Variants in ABCA13 observed in about 807,000 individuals in gnomAD.
The protein encoded by ABCA13 is ATP-binding cassette sub-family A member 13.
Under a neutral mutation model 478.7 loss-of-function variants are expected in ABCA13, and 476 were observed. The observed-to-expected ratio is 0.99, with a 90% confidence interval of 0.92 to 1.07. The LOEUF (loss-of-function observed/expected upper bound fraction) is 1.07, where lower values mean the gene tolerates loss of function less well. Ranked by LOEUF, ABCA13 falls within the 50% of genes least tolerant of loss-of-function variation. The probability of loss-of-function intolerance (pLI) is 0.00; values close to 1 mark genes in which losing one functional copy is unlikely to be tolerated. For missense variants in ABCA13, 6,060 were observed against 5,910.6 expected, an observed-to-expected ratio of 1.03 and a Z score of -0.83; for synonymous variants, 2,252 against 2,158.9, an observed-to-expected ratio of 1.04 and a Z score of -1.20.
At chr7:48,451,526 G>C (rs182060070) in intron 42 of ABCA13, among the ~76,000 whole-genome samples, 107 of 152,078 alleles carry the variant, frequency 7.0e-4, no homozygotes, top group Middle Eastern at 6.8e-3. Flanking sequence ...ATATTGATTA[G>C]TTTAAAAACT....
intron 32 of ABCA13, 56 bp downstream of exon 32, chr7:48,367,964 G>A: frequency 7.2e-7 from 1 of 1,387,594 alleles, no homozygotes; most frequent in South Asian, 1.3e-5. Context: ...GGGGACTTTG[G>A]AAATGGATCT....
intron 59 of ABCA13, among the ~76,000 whole-genome samples, chr7:48,621,643 A>AT (rs1403200764): frequency 2.0e-5 from 3 of 152,158 alleles, no homozygotes; most frequent in South Asian, 2.1e-4. Context: ...TCCTTAAATT[A>AT]TTTTTTTGAT....
At chr7:48,491,380 A>T (rs1299636199) in intron 48 of ABCA13, among the ~76,000 whole-genome samples, 1 of 152,212 alleles carries the variant, frequency 6.6e-6, no homozygotes, top group African/African-American at 2.4e-5. Flanking sequence ...AAGGTTCTGT[A>T]GCCCTTGAGG....
intron 59 of ABCA13, chr7:48,626,692 A>G: frequency 1.0e-6 from 1 of 985,496 alleles, no homozygotes; most frequent in African/African-American, 1.7e-5. Flanking sequence ...ACACGATAAT[A>G]GAACTTTACA....
Position 48,358,663 on chromosome 7 carries a change from G to A in ABCA13, c.10688+6176G>A, listed in dbSNP as rs143641841. On this transcript the variant is annotated intron_variant, in intron 31 of 61. Transcript: ENST00000435803. ...TGGATGCAGAGATCAGCACTATGCAGTTCTTGAGGTCTAGAAACTCACTGC... is the reference window on the plus strand; with the variant it reads ...TGGATGCAGAGATCAGCACTATGCAATTCTTGAGGTCTAGAAACTCACTGC... Among the ~76,000 whole-genome samples, 414 of 152,144 alleles carry A rather than the reference G, an allele frequency of 2.7e-3. 12 individuals are homozygous for A. Among genetic ancestry groups the A allele is most frequent in the Admixed American group, 0.024 (361 of 15,306 alleles).
At chr7:48,331,064 A>C (rs1333622819) in intron 27 of ABCA13, among the ~76,000 whole-genome samples, 2 of 152,232 alleles carry the variant, frequency 1.3e-5, no homozygotes, top group Admixed American at 6.5e-5. Context: ...AGGAGGGAAG[A>C]GGGTGATATA....
chr7:48,604,287 T>C (rs1052955230), intron 58 of ABCA13, among the ~76,000 whole-genome samples: 2 of 152,200 alleles, frequency 1.3e-5, no homozygotes, highest in African/African-American at 4.8e-5. Context: ...TGAATTTGTT[T>C]GCTCTTGCTT....
At chr7:48,245,639 A>C (rs1470689573) in intron 12 of ABCA13, 27 bp downstream of exon 12, 3 of 1,578,614 alleles carry the variant, frequency 1.9e-6, no homozygotes, top group Non-Finnish European at 2.6e-6. Flanking sequence ...AATTATAAAT[A>C]AGCATTTTTA....
At chr7:48,251,944 T>C (rs1792632394) in intron 15 of ABCA13, among the ~76,000 whole-genome samples, 1 of 152,166 alleles carries the variant, frequency 6.6e-6, no homozygotes, top group Non-Finnish European at 1.5e-5. Flanking sequence ...TTTTGCTGCT[T>C]TTAAGATTCT....
At chr7:48,375,215 C>T (rs373015512) in intron 34 of ABCA13, among the ~76,000 whole-genome samples, 8 of 152,140 alleles carry the variant, frequency 5.3e-5, no homozygotes, top group Non-Finnish European at 1.0e-4. Flanking sequence ...CTCTATCCCC[C>T]GGTCTGTGGA....
At chr7:48,235,616 A>G (rs1299086937) in intron 8 of ABCA13, among the ~76,000 whole-genome samples, 2 of 152,218 alleles carry the variant, frequency 1.3e-5, no homozygotes, top group East Asian at 1.9e-4. Context: ...TCACTGGGCT[A>G]GAATCAAGGT....
rs755871574 is a variant in ABCA13, at chr7:48,192,928, A to C, written c.70-31A>C. 2.6e-5 allele frequency: 33 copies of C among 1,284,304 alleles called. 1 individual carries two copies. Among genetic ancestry groups the C allele is most frequent in the East Asian group, 5.0e-5 (2 of 39,800 alleles). The allele number at this position is 1,284,304 out of a possible 1,614,324, so 79.6% of individuals were successfully genotyped here. ...TATTGTAATACCTTACAATTTATTC[A>C]GGTGATTTTTTTTTTTTTTTAATTT... On this transcript the variant is annotated intron_variant, in intron 1 of 61. Coordinates refer to ENST00000435803, the MANE Select transcript of ABCA13 (RefSeq NM_152701.5).
chr7:48,525,406 A>G (rs35644049), intron 54 of ABCA13, among the ~76,000 whole-genome samples: 12,718 of 152,132 alleles, frequency 0.084, 925 homozygotes, highest in African/African-American at 0.2. Context: ...GGGGTGTGGG[A>G]GGGCCAAGAT....
At chr7:48,393,863 G>A (rs1435367515) in intron 38 of ABCA13, among the ~76,000 whole-genome samples, 2 of 152,164 alleles carry the variant, frequency 1.3e-5, no homozygotes, top group Non-Finnish European at 2.9e-5. Context: ...CTCCATCCCT[G>A]CCATTGCAGG....
In ABCA13 at chr7:48,462,044, T is replaced by G. The variant is rs79648584; in HGVS notation, c.12816-4912T>G. Among the ~76,000 whole-genome samples, 1,266 of 151,618 alleles carry G rather than the reference T, an allele frequency of 8.3e-3. 25 individuals carry two copies. Among genetic ancestry groups the G allele is most frequent in the African/African-American group, 0.029 (1,214 of 41,224 alleles). Reference sequence around the variant, plus strand: ...AGATATTTAGGGGTGTCAAAGAAGGTTTTTTAAGGCTATGCCCCCTAAATT... The same window carrying G: ...AGATATTTAGGGGTGTCAAAGAAGGGTTTTTAAGGCTATGCCCCCTAAATT... On this transcript the variant is annotated intron_variant, in intron 43 of 61. Transcript: ENST00000435803.
At chr7:48,536,136 C>A (rs766615572) in intron 55 of ABCA13, among the ~76,000 whole-genome samples, 150 of 152,262 alleles carry the variant, frequency 9.9e-4, no homozygotes, top group Non-Finnish European at 1.8e-3. Flanking sequence ...GCTAGTCCTG[C>A]CTCCTTTCCC....
intron 1 of ABCA13, among the ~76,000 whole-genome samples, chr7:48,190,947 T>TA (rs1239730825): frequency 6.6e-6 from 1 of 152,218 alleles, no homozygotes. Flanking sequence ...TTCTGTTTTT[T>TA]ATACAACTAC....
At chr7:48,507,577 T>C (rs182784148) in intron 49 of ABCA13, among the ~76,000 whole-genome samples, 1 of 152,240 alleles carries the variant, frequency 6.6e-6, no homozygotes, top group East Asian at 1.9e-4. Flanking sequence ...ATCTTTCATC[T>C]TAATTGGGAG....
intron 31 of ABCA13, among the ~76,000 whole-genome samples, chr7:48,352,871 C>A (rs938444792): frequency 6.6e-6 from 1 of 151,934 alleles, no homozygotes; most frequent in African/African-American, 2.4e-5. Flanking sequence ...TAGATATAGG[C>A]TGTATACTGG....
Sources: gnomAD v4.1 joint callset for allele counts (sites outside exome capture counted in the v4.1 genomes callset) on GRCh38, gnomAD v4.1.1 for gene constraint, MANE v1.5 for transcripts, NCBI Gene and HGNC (gene_info 2026-07-23, HGNC 2026-07-21) for gene names.